The following SEPTIN9 variants were observed in gnomAD, a reference collection of about 807,000 sequenced individuals.
SEPTIN9 encodes the protein septin-9.
Under a neutral mutation model 56.6 loss-of-function variants are expected in SEPTIN9, and 13 were observed. The ratio of observed to expected loss-of-function variants is 0.23; its 90% CI spans 0.15 to 0.37. The LOEUF (loss-of-function observed/expected upper bound fraction) is 0.37, where lower values mean the gene tolerates loss of function less well. Ranked by LOEUF, SEPTIN9 falls within the 10% of genes least tolerant of loss-of-function variation. SEPTIN9 has a pLI of 1.00. For synonymous variants in SEPTIN9, 332 were observed against 334.1 expected, an observed-to-expected ratio of 0.99 and a Z score of 0.07; for missense variants, 650 against 823.1, an observed-to-expected ratio of 0.79 and a Z score of 2.57.
chr17:77,297,039 CAGAT>C lies in SEPTIN9; in HGVS notation c.20-10098_20-10095del, dbSNP rs535016815. On this transcript the variant is annotated intron_variant, in intron 1 of 11. Transcript: ENST00000427177. ...GATGGTGGATGGGTGGGTAGATAGG[CAGAT>C]AGACAGTTAGAAAGATAGATGATAG... is the stretch of plus-strand genomic sequence containing the variant. 2.8e-4 allele frequency among the ~76,000 whole-genome samples: 42 copies of C among 152,086 alleles called. 2 individuals carry two copies. In the South Asian group the frequency reaches 8.1e-3, roughly 29 times the overall value.
intron 2 of SEPTIN9, chr17:77,320,199 G>C: frequency 6.2e-7 from 1 of 1,600,088 alleles, no homozygotes; most frequent in Non-Finnish European, 8.5e-7. Context: ...ACCAGACAAA[G>C]AGTGTTTTTA....
At chr17:77,461,111 C>T (rs1267122428) in intron 3 of SEPTIN9, among the ~76,000 whole-genome samples, 1 of 151,914 alleles carries the variant, frequency 6.6e-6, no homozygotes, top group Non-Finnish European at 1.5e-5. Context: ...TCGAGACCAG[C>T]CTGGCCAACA....
intron 10 of SEPTIN9, 148 bp from the exon 11 acceptor site, chr17:77,497,167 G>A: frequency 1.3e-6 from 1 of 760,984 alleles, no homozygotes; most frequent in East Asian, 2.7e-5. Context: ...CTCAGCTGCA[G>A]AGCAGGTGGT....
At chr17:77,415,501 G>A (rs1453917195) in intron 3 of SEPTIN9, among the ~76,000 whole-genome samples, 1 of 152,008 alleles carries the variant, frequency 6.6e-6, no homozygotes, top group Non-Finnish European at 1.5e-5. Context: ...CAGCTACTCG[G>A]TAGGCTGAGG....
At chr17:77,368,804 T>G (rs2034641504) in intron 2 of SEPTIN9, among the ~76,000 whole-genome samples, 1 of 152,184 alleles carries the variant, frequency 6.6e-6, no homozygotes, top group South Asian at 2.1e-4. Context: ...TTTCATCACC[T>G]CTTAGGTTTT....
intron 3 of SEPTIN9, among the ~76,000 whole-genome samples, chr17:77,455,791 G>A (rs1232376656): frequency 6.6e-6 from 1 of 152,228 alleles, no homozygotes; most frequent in Non-Finnish European, 1.5e-5. Context: ...GGTCAGCATT[G>A]TGTGACCGCA....
At position 77,498,620 on chromosome 17, in the gene SEPTIN9, G is replaced by A. The variant is rs199687508; in HGVS notation, c.1723G>A (p.Gly575Ser). ...LNEGSSAMAN[G>S]MEEKEPEAPE... is the part of the protein sequence containing the mutation. Reference sequence around the variant, plus strand: ...CGAGGGCAGCAGCGCCATGGCCAACGGCATGGAGGAGAAGGAGCCAGAAGC... The same window carrying A: ...CGAGGGCAGCAGCGCCATGGCCAACAGCATGGAGGAGAAGGAGCCAGAAGC... The change falls in exon 12 of 12, where the codon GGC becomes AGC. Residue 575 changes from glycine to serine, a missense_variant. This residue lies in a region of SEPTIN9 where 333 missense variants were observed against 494.0 expected (regional missense o/e 0.67). Transcript: ENST00000427177. 6.5e-5 allele frequency: 104 copies of A among 1,610,630 alleles called. No individual in the cohort carries two copies. The highest frequency in any genetic ancestry group is 5.4e-5 in the African/African-American group (4 of 74,650).
intron 2 of SEPTIN9, among the ~76,000 whole-genome samples, chr17:77,359,923 G>C (rs944999598): frequency 1.5e-4 from 23 of 152,132 alleles, no homozygotes; most frequent in African/African-American, 5.3e-4. Flanking sequence ...CTGGCACTTT[G>C]GGAGGCCAAG....
chr17:77,492,638 G>C lies in SEPTIN9; in HGVS notation c.1398G>C (p.Leu466=). The change falls in exon 9 of 12, where the codon CTG becomes CTC. Residue 466 remains leucine, a synonymous_variant. Coordinates refer to ENST00000427177, the MANE Select transcript of SEPTIN9 (RefSeq NM_001113491.2). The surrounding 1 kb of genome is among the most constrained non-coding windows in gnomAD (Gnocchi z 5.4). ...HFKQRITADL[L]SNGIDVYPQK... is the part of the protein sequence containing the mutation. ...TATCCCAGATCACCGCAGACCTGCTGTCCAACGGCATCGACGTGTACCCCC... is the reference window on the plus strand; with the variant it reads ...TATCCCAGATCACCGCAGACCTGCTCTCCAACGGCATCGACGTGTACCCCC... 1 of 1,614,104 alleles carries C rather than the reference G, an allele frequency of 6.2e-7. No homozygotes were observed. Among genetic ancestry groups the C allele is most frequent in the Non-Finnish European group, 8.5e-7 (1 of 1,180,014 alleles).
At position 77,405,776 on chromosome 17, in the gene SEPTIN9, G is replaced by C. The variant is rs183769435; in HGVS notation, c.721+3073G>C. Reference sequence around the variant, plus strand: ...CGTCCTCCCTCTCTGTGTCACGACCGTTCTGGACACGGATCCAGTTCTCTC... The same window carrying C: ...CGTCCTCCCTCTCTGTGTCACGACCCTTCTGGACACGGATCCAGTTCTCTC... On this transcript the variant is annotated intron_variant, in intron 3 of 11. Coordinates refer to ENST00000427177, the MANE Select transcript of SEPTIN9 (RefSeq NM_001113491.2). The surrounding 1 kb of genome is among the most constrained non-coding windows in gnomAD (Gnocchi z 5.8). Among the ~76,000 whole-genome samples the C allele has an allele frequency of 6.6e-6, 1 of 152,230 alleles. No individual in the cohort carries two copies. Among genetic ancestry groups the C allele is most frequent in the African/African-American group, 2.4e-5 (1 of 41,542 alleles).
At chr17:77,472,901 C>T (rs2039061952) in intron 3 of SEPTIN9, 1 of 152,252 alleles carries the variant, frequency 6.6e-6, no homozygotes, top group Non-Finnish European at 1.5e-5. Flanking sequence ...CACATTTGCA[C>T]AATTTGGTCA....
intron 2 of SEPTIN9, among the ~76,000 whole-genome samples, chr17:77,365,379 C>T (rs895859640): frequency 2.0e-5 from 3 of 151,734 alleles, no homozygotes; most frequent in Admixed American, 2.0e-4. Flanking sequence ...TCTTTCCTTC[C>T]TGTCTTATTC....
At chr17:77,294,992 A>G (rs1374572573) in intron 1 of SEPTIN9, 1 of 152,206 alleles carries the variant, frequency 6.6e-6, no homozygotes. Flanking sequence ...TGGGAACTAC[A>G]TAAATATAAC....
At position 77,435,138 on chromosome 17, in the gene SEPTIN9, C is replaced by T. The variant is rs979876446; in HGVS notation, c.721+32435C>T. Among the ~76,000 whole-genome samples the T allele has an allele frequency of 2.6e-5, 4 of 152,172 alleles. No homozygotes were observed. The highest frequency in any genetic ancestry group is 4.4e-5 in the Non-Finnish European group (3 of 68,028). On this transcript the variant is annotated intron_variant, in intron 3 of 11. Transcript: ENST00000427177. The surrounding 1 kb of genome is among the most constrained non-coding windows in gnomAD (Gnocchi z 4.5). Reference sequence around the variant, plus strand: ...TTATTCCCATTTCACCGATGAGGAACCCACAGCCCAGAGATGTTAAGTAAC... The same window carrying T: ...TTATTCCCATTTCACCGATGAGGAATCCACAGCCCAGAGATGTTAAGTAAC...
intron 2 of SEPTIN9, among the ~76,000 whole-genome samples, chr17:77,312,099 C>T (rs547733891): frequency 6.6e-5 from 10 of 152,274 alleles, no homozygotes; most frequent in South Asian, 2.1e-4. Flanking sequence ...GCCCCGGTCA[C>T]GGTCATGTCT....
chr17:77,414,950 T>C (rs953366998), intron 3 of SEPTIN9, among the ~76,000 whole-genome samples: 1 of 152,166 alleles, frequency 6.6e-6, no homozygotes, highest in African/African-American at 2.4e-5. Flanking sequence ...TGGTGTCATG[T>C]TTCCAAGGTC....
chr17:77,331,627 G>A (rs756946053), intron 2 of SEPTIN9, among the ~76,000 whole-genome samples: 1 of 152,204 alleles, frequency 6.6e-6, no homozygotes, highest in Non-Finnish European at 1.5e-5. Context: ...CTCCTGCGGG[G>A]TTTGCATTTT....
chr17:77,468,382 G>A (rs2038842013), intron 3 of SEPTIN9, among the ~76,000 whole-genome samples: 1 of 152,230 alleles, frequency 6.6e-6, no homozygotes, highest in Non-Finnish European at 1.5e-5. Flanking sequence ...GGTCCCGGCA[G>A]GGAGGACCTC....
At chr17:77,398,209 A>G (rs1051701136) in intron 2 of SEPTIN9, among the ~76,000 whole-genome samples, 3 of 150,302 alleles carry the variant, frequency 2.0e-5, no homozygotes, top group African/African-American at 7.4e-5. Context: ...TCCTGGGCTC[A>G]AGCGATCTGT....
Sources: gnomAD v4.1 joint callset for allele counts (sites outside exome capture counted in the v4.1 genomes callset) on GRCh38, gnomAD v4.1.1 for gene constraint, gnomAD v4.1.1 regional missense constraint, Gnocchi (gnomAD v3.1) non-coding constraint, MANE v1.5 for transcripts, NCBI Gene and HGNC (gene_info 2026-07-23, HGNC 2026-07-21) for gene names.